The following WDR7 variants were observed in gnomAD, a reference collection of about 807,000 sequenced individuals.
WDR7 encodes the protein WD repeat domain 7, also known as WD repeat-containing protein 7.
Under a neutral mutation model 169.4 loss-of-function variants are expected in WDR7, and 46 were observed. That is an observed-to-expected ratio of 0.27 (90% CI 0.21 to 0.35). The LOEUF is 0.35. WDR7 is among the 10% of genes least tolerant of loss of function. The pLI is 1.00. For missense variants in WDR7, 1,534 were observed against 1,859.3 expected (o/e 0.83, Z 3.22); for synonymous variants, 612 against 666.8 (o/e 0.92, Z 1.27).
intron 1 of WDR7, among the ~76,000 whole-genome samples, chr18:56,661,420 G>A (rs1393232945): frequency 1.3e-5 from 2 of 152,176 alleles, no homozygotes; most frequent in African/African-American, 4.8e-5. Flanking sequence ...ATATGCCTCA[G>A]CATCTATGAA....
At chr18:56,709,496 A>T (rs1485049141) in intron 12 of WDR7, among the ~76,000 whole-genome samples, 1 of 152,310 alleles carries the variant, frequency 6.6e-6, no homozygotes, top group South Asian at 2.1e-4. Context: ...CACTGCATGA[A>T]TTTATATTTC....
At chr18:56,896,495 A>T (rs114903594) in intron 21 of WDR7, among the ~76,000 whole-genome samples, 8 of 151,924 alleles carry the variant, frequency 5.3e-5, no homozygotes. Context: ...AGAGACCAGC[A>T]GACTCACAGA....
At chr18:56,907,306 G>A (rs2046491828) in intron 21 of WDR7, among the ~76,000 whole-genome samples, 1 of 103,552 alleles carries the variant, frequency 9.7e-6, no homozygotes, top group South Asian at 4.0e-4. Context: ...TAAGCATTGG[G>A]GTATGGTTGT....
Position 56,756,645 on chromosome 18 carries a change from A to G in WDR7, c.2052A>G (p.Thr684=). The part of the protein sequence containing the change: ...LMVQAIKTNL[T]DPDIHVLFFD... ...TTCAAGCAATAAAGACAAACCTAAC[A>G]GACCCGGACATACATGTGCTATTCT... The change falls in exon 15 of 28, where the codon ACA becomes ACG. Residue 684 remains threonine (T), a synonymous_variant. Coordinates refer to ENST00000254442, the MANE Select transcript of WDR7 (RefSeq NM_015285.3). The G allele has an allele frequency of 6.2e-7, 1 of 1,613,972 alleles. No homozygotes were observed. The highest frequency in any genetic ancestry group is 8.5e-7 in the Non-Finnish European group (1 of 1,180,004).
At chr18:56,714,312 A>AT (rs11432752) in intron 12 of WDR7, among the ~76,000 whole-genome samples, 4,750 of 150,864 alleles carry the variant, frequency 0.031, 216 homozygotes, top group African/African-American at 0.1. Context: ...AGTAATATTG[A>AT]TTTTTTTTTG....
At chr18:56,790,798 G>A (rs564034947) in intron 19 of WDR7, among the ~76,000 whole-genome samples, 3 of 151,904 alleles carry the variant, frequency 2.0e-5, no homozygotes, top group African/African-American at 4.8e-5. Flanking sequence ...TGGTTTCATC[G>A]TGCATGACAT....
intron 20 of WDR7, among the ~76,000 whole-genome samples, chr18:56,859,896 A>G (rs569602635): frequency 6.6e-6 from 1 of 152,320 alleles, no homozygotes; most frequent in East Asian, 1.9e-4. Context: ...GAAGTCATAT[A>G]GGCATTCGCT....
intron 26 of WDR7, among the ~76,000 whole-genome samples, chr18:57,012,786 C>G (rs1006279708): frequency 6.6e-6 from 1 of 152,172 alleles, no homozygotes; most frequent in Non-Finnish European, 1.5e-5. Context: ...ACCTGGTATT[C>G]TGTGAGGCAG....
intron 12 of WDR7, among the ~76,000 whole-genome samples, chr18:56,697,762 G>T (rs2025734796): frequency 6.6e-6 from 1 of 152,088 alleles, no homozygotes; most frequent in Admixed American, 6.6e-5. Context: ...TGATTATTTA[G>T]ATAATTCTAT....
intron 13 of WDR7, among the ~76,000 whole-genome samples, chr18:56,728,168 C>A (rs2026501657): frequency 1.3e-5 from 2 of 152,202 alleles, no homozygotes; most frequent in South Asian, 4.1e-4. Context: ...TAATTTGTTT[C>A]ATCACTAGAG....
chr18:56,754,247 T>TTGTGTGTGTGTGTG (rs71169393), intron 14 of WDR7, among the ~76,000 whole-genome samples: 2 of 141,696 alleles, frequency 1.4e-5, no homozygotes, highest in Middle Eastern at 3.5e-3. Flanking sequence ...GTTTTGTGCT[T>TTGTGTGTGTGTGTG]TGTGTGTGTG....
downstream of WDR7, chr18:57,030,612 C>T (rs1288191170): frequency 6.6e-6 from 1 of 152,178 alleles, no homozygotes; most frequent in Non-Finnish European, 1.5e-5. Context: ...CTTCGGCTGA[C>T]TGACAGAGCC....
At chr18:56,705,811 A>G (rs1214231315) in intron 12 of WDR7, among the ~76,000 whole-genome samples, 1 of 152,234 alleles carries the variant, frequency 6.6e-6, no homozygotes, top group African/African-American at 2.4e-5. Flanking sequence ...ATCCTGGCCA[A>G]CATGGTGAAA....
intron 23 of WDR7, among the ~76,000 whole-genome samples, chr18:56,937,386 AT>A (rs2046974550): frequency 6.8e-6 from 1 of 146,906 alleles, no homozygotes; most frequent in East Asian, 1.9e-4. Context: ...ATAATAAAAA[AT>A]AAATAAATAA....
chr18:56,776,815 C>A lies in WDR7; in HGVS notation c.2882C>A (p.Ala961Asp). The A allele has an allele frequency of 1.2e-6, 2 of 1,613,994 alleles. No individual in the cohort carries two copies. The highest frequency in any genetic ancestry group is 1.7e-6 in the Non-Finnish European group (2 of 1,179,916). Residue 961 changes from alanine (A) to aspartate (D), a missense_variant, in exon 17 of 28, where the codon GCT becomes GAT. Ala to Asp is a moderately radical substitution (Grantham distance 126). Coordinates refer to ENST00000254442, the MANE Select transcript of WDR7 (RefSeq NM_015285.3). ...AAPVVSARSD[A>D]DHSGSDPPSA... ...CCTGTCGTTTCCGCTCGGTCTGATG[C>A]TGATCACTCTGGCTCTGACCCTCCT...
chr18:56,973,902 T>C (rs1375109154), intron 26 of WDR7, among the ~76,000 whole-genome samples: 1 of 152,220 alleles, frequency 6.6e-6, no homozygotes, highest in African/African-American at 2.4e-5. Flanking sequence ...ATCAAAAATG[T>C]TGCTCAAGTG....
intron 21 of WDR7, among the ~76,000 whole-genome samples, chr18:56,884,258 G>A (rs1250724449): frequency 2.0e-5 from 3 of 152,142 alleles, no homozygotes; most frequent in African/African-American, 7.2e-5. Context: ...GATAATTAGC[G>A]ATGTTGACCA....
chr18:56,942,934 TTG>T (rs2047053274), intron 25 of WDR7, among the ~76,000 whole-genome samples: 1 of 152,238 alleles, frequency 6.6e-6, no homozygotes, highest in Non-Finnish European at 1.5e-5. Flanking sequence ...GCCCATTTAT[TTG>T]TGAGTCAGCA....
chr18:56,866,450 C>G (rs1380083671), intron 20 of WDR7, among the ~76,000 whole-genome samples: 1 of 151,618 alleles, frequency 6.6e-6, no homozygotes, highest in African/African-American at 2.4e-5. Context: ...AAAAGGTGGA[C>G]TTCAGTTTTT....
Sources: gnomAD v4.1 joint callset for allele counts (sites outside exome capture counted in the v4.1 genomes callset) on GRCh38, gnomAD v4.1.1 for gene constraint, MANE v1.5 for transcripts, NCBI Gene and HGNC (gene_info 2026-07-23, HGNC 2026-07-21) for gene names.